Variants in CACNA1S observed in about 807,000 individuals in gnomAD.
CACNA1S encodes the protein calcium voltage-gated channel subunit alpha1 S.
In CACNA1S, 126 loss-of-function variants were observed where a neutral mutation model predicts 207.4. The ratio of observed to expected loss-of-function variants is 0.61; its 90% CI spans 0.53 to 0.70. The LOEUF is 0.70. CACNA1S is among the 30% of genes least tolerant of loss of function. The pLI, the probability that CACNA1S is intolerant of heterozygous loss-of-function variation, is 0.00. For synonymous variants in CACNA1S, 960 were observed against 932.7 expected (o/e 1.03, Z -0.53); for missense variants, 2,349 against 2,422.8 (o/e 0.97, Z 0.64).
In CACNA1S at chr1:201,039,910, C is replaced by T; in HGVS notation, c.5543G>A (p.Cys1848Tyr). Residue 1848 changes from cysteine (C) to tyrosine (Y), a missense_variant, in exon 44 of 44, where the codon TGC (cysteine) becomes TAC (tyrosine). Transcript: ENST00000362061. ...APEGMASSLG[C>Y]LNLGSSLGSL... ...GCCCAGGGAGGACCCGAGGTTCAGGCATCCCAGGGAGCTGGCCATGCCCTC... is the reference window on the plus strand; with the variant it reads ...GCCCAGGGAGGACCCGAGGTTCAGGTATCCCAGGGAGCTGGCCATGCCCTC... 1 of 1,613,856 alleles carries T rather than the reference C, an allele frequency of 6.2e-7. No homozygotes were observed. Among genetic ancestry groups the T allele is most frequent in the Non-Finnish European group, 8.5e-7 (1 of 1,180,042 alleles).
chr1:201,093,504 A>G (rs1019197395), intron 3 of CACNA1S, among the ~76,000 whole-genome samples: 3 of 152,234 alleles, frequency 2.0e-5, no homozygotes, highest in Non-Finnish European at 2.9e-5. Flanking sequence ...AACCCAAATA[A>G]CAGGTACTCA....
intron 19 of CACNA1S, among the ~76,000 whole-genome samples, chr1:201,068,932 G>C (rs570643256): frequency 5.9e-5 from 9 of 152,298 alleles, no homozygotes; most frequent in African/African-American, 1.9e-4. Flanking sequence ...CTCTGTGGAT[G>C]GGGGAGCCAC....
rs187338091 is a variant in CACNA1S, at chr1:201,094,968, C to T, written c.259-947G>A. 2.0e-5 allele frequency among the ~76,000 whole-genome samples: 3 copies of T among 152,142 alleles called. No individual in the cohort carries two copies. The East Asian group carries it at 5.8e-4, about 29-fold the overall frequency. Reference sequence around the variant, plus strand: ...AAGTCTCTCTTGTCAGGACTCCAGGCTGAAACTGCTCTCCTTGCAGCCATC... The same window carrying T: ...AAGTCTCTCTTGTCAGGACTCCAGGTTGAAACTGCTCTCCTTGCAGCCATC... On this transcript the variant is annotated intron_variant, in intron 2 of 43. Transcript: ENST00000362061.
rs986515193 is a variant in CACNA1S at position 201,078,531 on chromosome 1, A to C, written c.1394-427T>G. On this transcript the variant is annotated intron_variant, in intron 10 of 43. Transcript: ENST00000362061. ...TAAATTAGCTTCAAAAAAAAAAAAA[A>C]AAAAAAAACCCGGTAAATTTTGCCC... 2.3e-3 allele frequency among the ~76,000 whole-genome samples: 357 copies of C among 151,972 alleles called. 1 individual carries two copies. Among genetic ancestry groups the C allele is most frequent in the African/African-American group, 8.4e-3 (347 of 41,482 alleles).
intron 6 of CACNA1S, among the ~76,000 whole-genome samples, chr1:201,088,244 A>G (rs958848305): frequency 3.3e-5 from 5 of 152,184 alleles, no homozygotes; most frequent in Middle Eastern, 3.4e-3. Context: ...CATAGACTCT[A>G]TCTCCAGTTG....
In CACNA1S at chr1:201,074,618, T is replaced by C. The variant is rs530780988; in HGVS notation, c.1951A>G (p.Ile651Val). The change falls in exon 14 of 44, where the codon ATC becomes GTC. Residue 651 changes from isoleucine to valine, a missense_variant and splice_region_variant. By Grantham distance (29) the Ile-to-Val change is conservative (BLOSUM62 3). Coordinates refer to ENST00000362061, the MANE Select transcript of CACNA1S (RefSeq NM_000069.3). The part of the protein sequence containing the change: ...FIILFVCGNY[I>V]LLNVFLAIAV... ...ATGGCCAGGAAGACATTGAGCAGGA[T>C]GTCTGAGCGGGTTTAGCTAAGGAGC... 1.9e-6 allele frequency: 3 copies of C among 1,607,588 alleles called. No homozygotes were observed. Among genetic ancestry groups the C allele is most frequent in the Non-Finnish European group, 2.6e-6 (3 of 1,174,506 alleles).
chr1:201,044,446 C>T lies in CACNA1S; in HGVS notation c.4679G>A (p.Arg1560Gln), dbSNP rs372436488. The T allele has an allele frequency of 3.4e-5, 55 of 1,612,574 alleles. No homozygotes were observed. The Admixed American group carries it at 4.5e-4, about 13-fold the overall frequency. ...GGGGGCTGCCTCTTCCTCAATGGTC[C>T]GCAGCCCTGCCTGGGGATGACGAAG... ...KDIVQIQAGL[R>Q]TIEEEAAPEI... The change falls in exon 39 of 44, where the codon CGG becomes CAG. Residue 1560 changes from arginine (R) to glutamine (Q), a missense_variant. Arg to Gln is a conservative substitution (Grantham distance 43). Coordinates refer to ENST00000362061, the MANE Select transcript of CACNA1S (RefSeq NM_000069.3).
Position 201,069,378 on chromosome 1 carries a change from G to A in CACNA1S, c.2490+94C>T. ...TGAACTCTAAGAAACTCTGATGCTT[G>A]TAGCCACATAGAGGATACAGCTGAA... On this transcript the variant is annotated intron_variant, in intron 18 of 43. Coordinates refer to ENST00000362061, the MANE Select transcript of CACNA1S (RefSeq NM_000069.3). 3.2e-6 allele frequency: 5 copies of A among 1,553,126 alleles called. No individual in the cohort carries two copies. In the South Asian group the frequency reaches 5.9e-5, roughly 18 times the overall value.
At chr1:201,069,743 GGGTCCTCT>G in intron 17 of CACNA1S, 142 bp from the exon 18 acceptor site, 1 of 1,019,486 alleles carries the variant, frequency 9.8e-7, no homozygotes, top group Non-Finnish European at 1.4e-6. Context: ...TGCACCTGCA[GGGTCCTCT>G]GGCTGGACAC....
intron 2 of CACNA1S, among the ~76,000 whole-genome samples, chr1:201,103,230 A>G (rs1662742990): frequency 1.3e-5 from 1 of 76,558 alleles, no homozygotes; most frequent in Admixed American, 1.4e-4. Context: ...TGGGTGACAG[A>G]GGAGACTTGG....
intron 13 of CACNA1S, 87 bp downstream of exon 13, chr1:201,075,408 A>G: frequency 6.4e-7 from 1 of 1,567,050 alleles, no homozygotes; most frequent in East Asian, 2.2e-5. Flanking sequence ...GGCTACCTAG[A>G]AACTGGACAC....
rs1350992747 is a variant in CACNA1S, at chr1:201,049,058, C to A, written c.4283G>T (p.Arg1428Met). The A allele has an allele frequency of 1.9e-6, 3 of 1,613,698 alleles. No homozygotes were observed. The highest frequency in any genetic ancestry group is 1.7e-6 in the Non-Finnish European group (2 of 1,179,912). Residue 1428 changes from arginine to methionine, a missense_variant, in exon 35 of 44, where the codon AGG (arginine) becomes ATG (methionine). Coordinates refer to ENST00000362061, the MANE Select transcript of CACNA1S (RefSeq NM_000069.3). ...CCCAAAGCCCAGAGGGGGCTGAATCCTTCTCAGCAGGGTCACCACGTCCAG... is the reference window on the plus strand; with the variant it reads ...CCCAAAGCCCAGAGGGGGCTGAATCATTCTCAGCAGGGTCACCACGTCCAG... Reference protein sequence around the residue: ...KHLDVVTLLRRIQPPLGFGKF... With the variant: ...KHLDVVTLLRMIQPPLGFGKF...
chr1:201,064,558 T>C (rs901812812), intron 22 of CACNA1S, among the ~76,000 whole-genome samples: 4 of 152,250 alleles, frequency 2.6e-5, no homozygotes, highest in African/African-American at 9.6e-5. Flanking sequence ...TGAATGATTG[T>C]AAGATGATGC....
chr1:201,104,162 A>G (rs1215649099), intron 2 of CACNA1S, among the ~76,000 whole-genome samples: 1 of 152,282 alleles, frequency 6.6e-6, no homozygotes, highest in Non-Finnish European at 1.5e-5. Context: ...TATCCAGGTC[A>G]GGGTTTCTCA....
chr1:201,106,957 T>C (rs1662917607), intron 2 of CACNA1S, among the ~76,000 whole-genome samples: 1 of 152,174 alleles, frequency 6.6e-6, no homozygotes, highest in Non-Finnish European at 1.5e-5. Flanking sequence ...ACCAGAGCCA[T>C]GTCCTTCCCT....
At chr1:201,092,934 C>A (rs1662291551) in intron 3 of CACNA1S, among the ~76,000 whole-genome samples, 1 of 152,194 alleles carries the variant, frequency 6.6e-6, no homozygotes, top group Non-Finnish European at 1.5e-5. Flanking sequence ...CCCAGCACTG[C>A]CACCAGCTAG....
intron 3 of CACNA1S, among the ~76,000 whole-genome samples, chr1:201,093,577 A>G (rs537030389): frequency 6.6e-6 from 1 of 152,350 alleles, no homozygotes; most frequent in South Asian, 2.1e-4. Flanking sequence ...ACATCCAGAA[A>G]CTGCTGGCCA....
intron 10 of CACNA1S, among the ~76,000 whole-genome samples, chr1:201,080,571 A>G (rs1661806732): frequency 6.6e-6 from 1 of 152,076 alleles, no homozygotes; most frequent in Non-Finnish European, 1.5e-5. Flanking sequence ...AGAAAAAGAT[A>G]ATCTTGTTTT....
chr1:201,054,299 A>T (rs1660757782), intron 29 of CACNA1S, among the ~76,000 whole-genome samples: 1 of 152,234 alleles, frequency 6.6e-6, no homozygotes, highest in African/African-American at 2.4e-5. Flanking sequence ...CAGGGCTCTG[A>T]GGAAGCCGCT....
Sources: gnomAD v4.1 joint callset for allele counts (sites outside exome capture counted in the v4.1 genomes callset) on GRCh38, gnomAD v4.1.1 for gene constraint, MANE v1.5 for transcripts, NCBI Gene and HGNC (gene_info 2026-07-23, HGNC 2026-07-21) for gene names.